The following NUP210 variants were observed in gnomAD, a reference collection of about 807,000 sequenced individuals.
The protein encoded by NUP210 is nucleoporin 210, also known as nuclear pore membrane glycoprotein 210.
NUP210 carries 151 observed loss-of-function variants against 196.0 expected under a neutral mutation model. The observed-to-expected ratio is 0.77, with a 90% CI of 0.67 to 0.88. NUP210 has a LOEUF of 0.88. Among genes scored for constraint, NUP210 ranks in the 40% least tolerant of loss-of-function variants. The pLI is 0.00. For synonymous variants in NUP210, 1,070 were observed against 1,052.7 expected, an observed-to-expected ratio of 1.02 and a Z score of -0.32; for missense variants, 2,314 against 2,493.7, an observed-to-expected ratio of 0.93 and a Z score of 1.53.
rs562476533 is a variant in NUP210, at chr3:13,376,266, C to A, written c.1293+25G>T. On this transcript the variant is annotated intron_variant, in intron 10 of 39. Coordinates refer to ENST00000254508, the MANE Select transcript of NUP210 (RefSeq NM_024923.4). ...GAGGGTGGCTTCATAGGACAAGGCA[C>A]GACGCAGGGGAGACACCAACTTGCC... The A allele has an allele frequency of 1.9e-6, 3 of 1,611,524 alleles. No homozygotes were observed. The African/African-American group carries it at 4.0e-5, about 22-fold the overall frequency.
At chr3:13,353,857 G>A in intron 17 of NUP210, 58 bp downstream of exon 17, 1 of 1,524,034 alleles carries the variant, frequency 6.6e-7, no homozygotes, top group East Asian at 2.3e-5. Context: ...CACCTTGGCA[G>A]GCTTCCTGTC....
chr3:13,372,153 T>A, intron 12 of NUP210, 121 bp from the exon 13 acceptor site: 1 of 926,304 alleles, frequency 1.1e-6, no homozygotes, highest in East Asian at 2.7e-5. Context: ...GAGAAGCCTG[T>A]CACGGGCAGT....
At position 13,319,752 on chromosome 3, in the gene NUP210, C is replaced by A. The variant is rs780296745; in HGVS notation, c.5383+11G>T. ...CTGGTCTGTCCCAGATGATGTCGTTCCGTGACTCACAAGGACCGGGCCCAC... is the reference window on the plus strand; with the variant it reads ...CTGGTCTGTCCCAGATGATGTCGTTACGTGACTCACAAGGACCGGGCCCAC... On this transcript the variant is annotated intron_variant, in intron 37 of 39. Coordinates refer to ENST00000254508, the MANE Select transcript of NUP210 (RefSeq NM_024923.4). The A allele has an allele frequency of 6.2e-7, 1 of 1,612,824 alleles. No individual in the cohort carries two copies. Among genetic ancestry groups the A allele is most frequent in the Non-Finnish European group, 8.5e-7 (1 of 1,178,872 alleles).
chr3:13,325,237 C>G (rs988436026), intron 33 of NUP210, among the ~76,000 whole-genome samples: 1 of 152,220 alleles, frequency 6.6e-6, no homozygotes, highest in Non-Finnish European at 1.5e-5. Flanking sequence ...TCACAGGATG[C>G]CTCTGTCTGC....
At chr3:13,351,601 C>T (rs933775881) in intron 20 of NUP210, 4 of 357,408 alleles carry the variant, frequency 1.1e-5, no homozygotes, top group African/African-American at 8.4e-5. Context: ...ATCCTCCTGC[C>T]TCAGGTTCCT....
intron 3 of NUP210, among the ~76,000 whole-genome samples, chr3:13,395,016 T>G (rs1277012071): frequency 6.6e-6 from 1 of 152,180 alleles, no homozygotes; most frequent in Non-Finnish European, 1.5e-5. Flanking sequence ...GGTGGGGCCT[T>G]GACATGGGCT....
At chr3:13,346,271 C>T (rs938812098) in intron 20 of NUP210, among the ~76,000 whole-genome samples, 1 of 152,220 alleles carries the variant, frequency 6.6e-6, no homozygotes, top group African/African-American at 2.4e-5. Flanking sequence ...TAATGGAGGG[C>T]ACTTGGCCGC....
At chr3:13,410,714 G>A (rs570796845) in intron 1 of NUP210, among the ~76,000 whole-genome samples, 1 of 147,016 alleles carries the variant, frequency 6.8e-6, no homozygotes, top group Non-Finnish European at 1.5e-5. Context: ...TCAGGAGATC[G>A]AGACCATCCC....
intron 36 of NUP210, among the ~76,000 whole-genome samples, 162 bp downstream of exon 36, chr3:13,321,423 C>T (rs1267153987): frequency 6.6e-6 from 1 of 152,180 alleles, no homozygotes; most frequent in African/African-American, 2.4e-5. Flanking sequence ...AGCAACAGTG[C>T]TATGGAAAAA....
intron 13 of NUP210, 118 bp from the exon 14 acceptor site, chr3:13,366,209 A>T: frequency 1.1e-6 from 1 of 947,964 alleles, no homozygotes. Flanking sequence ...GCTCACTGCG[A>T]CCTCCGCCTC....
chr3:13,317,371 T>C lies in NUP210; in HGVS notation c.*310A>G, dbSNP rs781105038. 1 of 388,144 alleles carries C rather than the reference T, an allele frequency of 2.6e-6. No homozygotes were observed. The highest frequency in any genetic ancestry group is 4.8e-6 in the Non-Finnish European group (1 of 210,272). The allele number at this position is 388,144 out of a possible 1,614,324, so 24.0% of individuals were successfully genotyped here. A position where few individuals can be genotyped will look rare whatever the true frequency, so the allele number is the denominator to read the frequency against. On this transcript the variant is annotated 3_prime_UTR_variant, in exon 40 of 40. Coordinates refer to ENST00000254508, the MANE Select transcript of NUP210 (RefSeq NM_024923.4). ...GAGAAGGGAAAGATTTTAGCAAGGC[T>C]AGGAAAATAAAAATGCAACAGCACA...
Position 13,317,029 on chromosome 3 carries a change from C to T in NUP210, c.*652G>A, listed in dbSNP as rs950909211. ...GGACTGAAGTCTGTTCACAGTGGCCCATGGTTGGGCAGCAGCCCTGGGTGA... is the reference window on the plus strand; with the variant it reads ...GGACTGAAGTCTGTTCACAGTGGCCTATGGTTGGGCAGCAGCCCTGGGTGA... On this transcript the variant is annotated 3_prime_UTR_variant, in exon 40 of 40. Coordinates refer to ENST00000254508, the MANE Select transcript of NUP210 (RefSeq NM_024923.4). 18 of 153,166 alleles carry T rather than the reference C, an allele frequency of 1.2e-4. No homozygotes were observed. The highest frequency in any genetic ancestry group is 4.3e-4 in the African/African-American group (18 of 41,460). The allele number at this position is 153,166 out of a possible 1,614,324, so 9.5% of individuals were successfully genotyped here.
chr3:13,401,786 T>C (rs1250101616), intron 1 of NUP210, among the ~76,000 whole-genome samples: 1 of 152,008 alleles, frequency 6.6e-6, no homozygotes, highest in African/African-American at 2.4e-5. Context: ...CACAGGGCAG[T>C]AGAGGCTAAG....
In NUP210 at chr3:13,319,967, AC is replaced by A; in HGVS notation, c.5178del (p.Ser1727ProfsTer40). 6.2e-7 allele frequency: 1 copy of A among 1,613,726 alleles called. No individual in the cohort carries two copies. The highest frequency in any genetic ancestry group is 8.5e-7 in the Non-Finnish European group (1 of 1,180,024). On this transcript the variant is annotated frameshift_variant, in exon 37 of 40. Transcript: ENST00000254508. LOFTEE classifies it high-confidence loss of function. ...TTTGCGAATGCCAGCACGGCCGGGG[AC>A]CCGGATTTCACCTGGAAGAGACATC... is the stretch of plus-strand genomic sequence containing the variant. ...EVLENLEVKS[G>X]SPAVLAFAKE... is the part of the protein sequence containing the mutation.
chr3:13,410,775 G>A (rs1451374093), intron 1 of NUP210, among the ~76,000 whole-genome samples: 10 of 151,130 alleles, frequency 6.6e-5, no homozygotes, highest in South Asian at 2.1e-4. Flanking sequence ...AAAATTAGCC[G>A]GGCGTGGTGG....
chr3:13,407,545 A>C (rs910626116), intron 1 of NUP210, among the ~76,000 whole-genome samples: 12 of 152,098 alleles, frequency 7.9e-5, no homozygotes, highest in African/African-American at 2.9e-4. Context: ...CATCAAATCT[A>C]ACCTCTTTTC....
intron 5 of NUP210, among the ~76,000 whole-genome samples, chr3:13,387,204 T>A (rs1052008174): frequency 6.6e-6 from 1 of 152,260 alleles, no homozygotes; most frequent in African/African-American, 2.4e-5. Flanking sequence ...GATTCTCCTT[T>A]AAGCCTGCTG....
At chr3:13,374,227 T>G (rs534243918) in intron 11 of NUP210, among the ~76,000 whole-genome samples, 1 of 152,226 alleles carries the variant, frequency 6.6e-6, no homozygotes, top group Non-Finnish European at 1.5e-5. Context: ...CATGCTCACT[T>G]ACATTTACCT....
Position 13,350,877 on chromosome 3 carries a change from T to G in NUP210, c.2835+1002A>C, listed in dbSNP as rs1697948782. 6.6e-6 allele frequency among the ~76,000 whole-genome samples: 1 copy of G among 151,526 alleles called. No individual in the cohort carries two copies. The highest frequency in any genetic ancestry group is 1.5e-5 in the Non-Finnish European group (1 of 67,872). On this transcript the variant is annotated intron_variant, in intron 20 of 39. Transcript: ENST00000254508. The surrounding 1 kb of genome is among the most constrained non-coding windows in gnomAD (Gnocchi z 4.1). ...CTGGCTAATTTTTTTTTTTTGTATA[T>G]TTAGTAGAGACAGGGTTTCACCGTG...
Sources: gnomAD v4.1 joint callset for allele counts (sites outside exome capture counted in the v4.1 genomes callset) on GRCh38, gnomAD v4.1.1 for gene constraint, Gnocchi (gnomAD v3.1) non-coding constraint, MANE v1.5 for transcripts, NCBI Gene and HGNC (gene_info 2026-07-23, HGNC 2026-07-21) for gene names.